Variants in CHN2 observed in about 807,000 individuals in gnomAD.
The protein encoded by CHN2 is beta-chimaerin.
In CHN2, 35 loss-of-function variants were observed where a neutral mutation model predicts 56.3. That is an observed-to-expected ratio of 0.62 (90% CI 0.47 to 0.82). CHN2 has a LOEUF of 0.82. Ranked by LOEUF, CHN2 falls within the 40% of genes least tolerant of loss-of-function variation. The pLI is 0.00. For synonymous variants in CHN2, 210 were observed against 212.8 expected (o/e 0.99, Z 0.12); for missense variants, 491 against 580.5 (o/e 0.85, Z 1.58).
chr7:29,252,585 T>TTTTTTGTTTTGTTTTG (rs1554378176), intron 1 of CHN2, among the ~76,000 whole-genome samples: 350 of 23,060 alleles, frequency 0.015, 61 homozygotes, highest in African/African-American at 0.081. Context: ...TTTGTTTTTT[T>TTTTTTGTTTTGTTTTG]TTTTTTTTTT....
At chr7:29,274,950 G>A (rs753350252) in intron 1 of CHN2, among the ~76,000 whole-genome samples, 25 of 152,106 alleles carry the variant, frequency 1.6e-4, no homozygotes, top group Non-Finnish European at 3.1e-4. Flanking sequence ...GGAGGGTGTT[G>A]GGCAGGGTGG....
intron 1 of CHN2, among the ~76,000 whole-genome samples, chr7:29,352,002 G>T (rs531313083): frequency 6.6e-6 from 1 of 152,250 alleles, no homozygotes; most frequent in Non-Finnish European, 1.5e-5. Flanking sequence ...TAATTTAGGG[G>T]CCAGTGTTTC....
rs1466174680 is a variant in CHN2 at position 29,410,007 on chromosome 7, G to A, written c.576+9179G>A. Among the ~76,000 whole-genome samples, 6 of 152,282 alleles carry A rather than the reference G, an allele frequency of 3.9e-5. No individual in the cohort carries two copies. In the South Asian group the frequency reaches 6.2e-4, roughly 16 times the overall value. On this transcript the variant is annotated intron_variant, in intron 6 of 12. Transcript: ENST00000222792. ...TTCTTCTGGACCTGACCCACCAAGCGCCTGCCCTGAGCACGACCTCAGAGC... is the reference window on the plus strand; with the variant it reads ...TTCTTCTGGACCTGACCCACCAAGCACCTGCCCTGAGCACGACCTCAGAGC...
intron 2 of CHN2, among the ~76,000 whole-genome samples, chr7:29,174,799 G>A (rs1797060083): frequency 6.6e-6 from 1 of 151,282 alleles, no homozygotes; most frequent in Non-Finnish European, 1.5e-5. Context: ...GGTGGAGGTT[G>A]CAGTGAGCCA....
At chr7:29,389,364 C>T (rs77737862) in intron 3 of CHN2, among the ~76,000 whole-genome samples, 1 of 152,248 alleles carries the variant, frequency 6.6e-6, no homozygotes, top group East Asian at 1.9e-4. Context: ...AATCCATTCT[C>T]AAAAAAGTAA....
At chr7:29,359,194 A>G (rs1014227469) in intron 2 of CHN2, among the ~76,000 whole-genome samples, 2 of 152,132 alleles carry the variant, frequency 1.3e-5, no homozygotes, top group African/African-American at 4.8e-5. Context: ...AGGACTCACT[A>G]CTGGAATTCA....
At position 29,483,872 on chromosome 7, in the gene CHN2, A is replaced by G; in HGVS notation, c.654+3516A>G. The G allele has an allele frequency of 3.1e-6, 4 of 1,302,060 alleles. No homozygotes were observed. In the South Asian group the frequency reaches 5.0e-5, roughly 16 times the overall value. 80.7% of individuals were successfully genotyped at this position (1,302,060 alleles called of 1,614,324 possible). ...ACTCCTGGCCACACCATGTTCTTCC[A>G]AAGAGCTCAGCTCTCTCTGCCTCAG... On this transcript the variant is annotated intron_variant, in intron 7 of 12. Coordinates refer to ENST00000222792, the MANE Select transcript of CHN2 (RefSeq NM_004067.4).
At chr7:29,212,599 T>C in intron 1 of CHN2, 1 of 1,405,092 alleles carries the variant, frequency 7.1e-7, no homozygotes, top group Non-Finnish European at 1.0e-6. Context: ...AGACCAGAAC[T>C]GTGTTTTCTT....
At chr7:29,205,842 C>T (rs955435514) in intron 1 of CHN2, among the ~76,000 whole-genome samples, 6 of 152,070 alleles carry the variant, frequency 3.9e-5, no homozygotes, top group East Asian at 1.9e-4. Flanking sequence ...ACACATTTTA[C>T]GTAAGATGCA....
chr7:29,245,643 T>G (rs1253285772), intron 1 of CHN2, among the ~76,000 whole-genome samples: 1 of 152,220 alleles, frequency 6.6e-6, no homozygotes, highest in Non-Finnish European at 1.5e-5. Flanking sequence ...GCCCACAGAA[T>G]TTAAGGGATT....
chr7:29,507,418 T>C, intron 11 of CHN2, 53 bp downstream of exon 11: 1 of 1,348,650 alleles, frequency 7.4e-7, no homozygotes, highest in Non-Finnish European at 1.0e-6. Context: ...AGTACAGTGC[T>C]TTTGACCTTC....
At chr7:29,384,875 A>G (rs928039530) in intron 3 of CHN2, among the ~76,000 whole-genome samples, 2 of 152,184 alleles carry the variant, frequency 1.3e-5, no homozygotes, top group African/African-American at 2.4e-5. Flanking sequence ...TTTCCAACCC[A>G]GCAATCAGGG....
intron 1 of CHN2, 105 bp from the exon 2 acceptor site, chr7:29,354,520 C>T (rs889984414): frequency 2.3e-5 from 22 of 967,286 alleles, no homozygotes; most frequent in Middle Eastern, 2.1e-4. Flanking sequence ...CCCTGAGACC[C>T]GCATGCAAGT....
intron 3 of CHN2, among the ~76,000 whole-genome samples, chr7:29,383,338 A>G (rs962559880): frequency 6.6e-6 from 1 of 152,072 alleles, no homozygotes; most frequent in Non-Finnish European, 1.5e-5. Context: ...AGGTCTAAGA[A>G]CCAAGAATAC....
intron 7 of CHN2, among the ~76,000 whole-genome samples, chr7:29,490,017 T>G (rs941479175): frequency 6.6e-6 from 1 of 152,158 alleles, no homozygotes; most frequent in African/African-American, 2.4e-5. Flanking sequence ...TTTCTAAATA[T>G]TGCATTTTCA....
intron 1 of CHN2, among the ~76,000 whole-genome samples, chr7:29,260,690 T>G (rs1046985981): frequency 2.6e-5 from 4 of 152,182 alleles, no homozygotes; most frequent in African/African-American, 9.7e-5. Flanking sequence ...TCTTACTACC[T>G]TTAGCCTTCA....
intron 6 of CHN2, among the ~76,000 whole-genome samples, chr7:29,419,807 G>C (rs1173582646): frequency 6.6e-6 from 1 of 152,112 alleles, no homozygotes; most frequent in Non-Finnish European, 1.5e-5. Context: ...ACACCGGCCG[G>C]GTGCAGTGGC....
intron 1 of CHN2, among the ~76,000 whole-genome samples, chr7:29,225,973 C>T (rs891368043): frequency 1.3e-5 from 2 of 152,118 alleles, no homozygotes; most frequent in Admixed American, 6.6e-5. Flanking sequence ...TAGAATTAAA[C>T]TAACACAGAA....
chr7:29,212,594 A>G, intron 1 of CHN2: 2 of 1,409,780 alleles, frequency 1.4e-6, no homozygotes, highest in Non-Finnish European at 2.0e-6. Context: ...ACAGAAGACC[A>G]GAACTGTGTT....
Sources: gnomAD v4.1 joint callset for allele counts (sites outside exome capture counted in the v4.1 genomes callset) on GRCh38, gnomAD v4.1.1 for gene constraint, MANE v1.5 for transcripts, NCBI Gene and HGNC (gene_info 2026-07-23, HGNC 2026-07-21) for gene names.